DCDC2: variants seen among roughly 807,000 people sequenced by gnomAD.
DCDC2 encodes doublecortin domain-containing protein 2.
DCDC2 carries 40 observed loss-of-function variants against 50.2 expected under a neutral mutation model. The ratio of observed to expected loss-of-function variants is 0.80; its 90% confidence interval spans 0.62 to 1.04. The LOEUF is 1.04. Ranked by LOEUF, DCDC2 falls within the 50% of genes least tolerant of loss-of-function variation. The pLI is 0.00. For missense variants in DCDC2, 570 were observed against 581.9 expected (o/e 0.98, Z 0.21); for synonymous variants, 234 against 210.6 (o/e 1.11, Z -0.96).
chr6:24,267,228 G>C (rs1763140770), intron 7 of DCDC2, among the ~76,000 whole-genome samples: 1 of 152,088 alleles, frequency 6.6e-6, no homozygotes, highest in Non-Finnish European at 1.5e-5. Flanking sequence ...ATGAATAAGA[G>C]CTTTTGTTTG....
intron 2 of DCDC2, among the ~76,000 whole-genome samples, chr6:24,327,906 A>G (rs1379596340): frequency 6.6e-6 from 1 of 152,196 alleles, no homozygotes; most frequent in Non-Finnish European, 1.5e-5. Flanking sequence ...TCTCTGCTTA[A>G]TATATGTTTA....
intron 8 of DCDC2, among the ~76,000 whole-genome samples, chr6:24,194,571 G>A (rs1393664592): frequency 6.6e-6 from 1 of 152,176 alleles, no homozygotes; most frequent in Admixed American, 6.5e-5. Flanking sequence ...GTGTTTCTGA[G>A]ATGGTGAATT....
At chr6:24,241,078 C>T (rs141684164) in intron 7 of DCDC2, among the ~76,000 whole-genome samples, 160 of 152,274 alleles carry the variant, frequency 1.1e-3, no homozygotes, top group African/African-American at 3.5e-3. Flanking sequence ...AGAATACAGG[C>T]GGAAGTTTTA....
chr6:24,284,835 C>G (rs964376524), intron 6 of DCDC2, among the ~76,000 whole-genome samples: 1 of 152,080 alleles, frequency 6.6e-6, no homozygotes, highest in Non-Finnish European at 1.5e-5. Flanking sequence ...GCCTTGGATG[C>G]TCTTCTTCCC....
In DCDC2 at chr6:24,285,830, A is replaced by G. The variant is rs1310406402; in HGVS notation, c.759+3022T>C. 7.2e-5 allele frequency among the ~76,000 whole-genome samples: 11 copies of G among 152,342 alleles called. No homozygotes were observed. In the East Asian group the frequency reaches 1.7e-3, roughly 24 times the overall value. ...GTTGGGTCATGACTTTGGTCCTGAC[A>G]TCGACTTTCCCTGTGACTTGGGATC... On this transcript the variant is annotated intron_variant, in intron 6 of 9. Coordinates refer to ENST00000378454, the MANE Select transcript of DCDC2 (RefSeq NM_016356.5).
chr6:24,365,286 G>C, the DCDC2 span, among the ~76,000 whole-genome samples: 1 of 152,054 alleles, frequency 6.6e-6, no homozygotes, highest in African/African-American at 2.4e-5. Flanking sequence ...CCTCACCTAG[G>C]TTTAGAGCTT....
intron 7 of DCDC2, among the ~76,000 whole-genome samples, chr6:24,211,695 G>A (rs907049330): frequency 4.6e-5 from 7 of 152,274 alleles, no homozygotes; most frequent in Admixed American, 3.9e-4. Flanking sequence ...AAGGAATGCA[G>A]GCAGCCTGTA....
At chr6:24,283,414 T>A (rs1420895270) in intron 6 of DCDC2, among the ~76,000 whole-genome samples, 6 of 152,238 alleles carry the variant, frequency 3.9e-5, no homozygotes, top group Admixed American at 3.9e-4. Context: ...GGTCCCTGTG[T>A]ACACTATGGC....
intron 8 of DCDC2, among the ~76,000 whole-genome samples, chr6:24,190,322 A>T (rs945327983): frequency 6.6e-6 from 1 of 152,074 alleles, no homozygotes; most frequent in African/African-American, 2.4e-5. Flanking sequence ...AAAAATTCTC[A>T]TTGTTCAATT....
chr6:24,369,003 G>A, the DCDC2 span, among the ~76,000 whole-genome samples: 13 of 151,970 alleles, frequency 8.6e-5, no homozygotes, highest in South Asian at 2.1e-4. Flanking sequence ...GTGCAGTGGC[G>A]CGTGCCTGTA....
chr6:24,213,035 T>G (rs9467078), intron 7 of DCDC2, among the ~76,000 whole-genome samples: 17,174 of 152,216 alleles, frequency 0.11, 1,056 homozygotes, highest in Middle Eastern at 0.16. Context: ...TATTTAACAT[T>G]CTCAAATTTT....
At chr6:24,274,531 TTTGTTTCC>T (rs1763305937) in intron 7 of DCDC2, among the ~76,000 whole-genome samples, 1 of 144,784 alleles carries the variant, frequency 6.9e-6, no homozygotes, top group Non-Finnish European at 1.5e-5. Flanking sequence ...GAAAATGAGA[TTTGTTTCC>T]CTGAAGAAAT....
At chr6:24,278,709 T>C (rs950904919) in intron 6 of DCDC2, among the ~76,000 whole-genome samples, 16 of 152,188 alleles carry the variant, frequency 1.1e-4, no homozygotes, top group Non-Finnish European at 2.4e-4. Flanking sequence ...CCAGTGTCTA[T>C]TGGATGAGAA....
intron 7 of DCDC2, among the ~76,000 whole-genome samples, chr6:24,240,259 T>C (rs1344557992): frequency 6.6e-6 from 1 of 152,190 alleles, no homozygotes; most frequent in Non-Finnish European, 1.5e-5. Flanking sequence ...AAAAATTAAT[T>C]ATCATCCTTG....
intron 2 of DCDC2, among the ~76,000 whole-genome samples, chr6:24,339,267 T>C (rs1230609189): frequency 6.6e-6 from 1 of 152,120 alleles, no homozygotes; most frequent in Non-Finnish European, 1.5e-5. Flanking sequence ...CCCTGGCTTA[T>C]GGTAGCCATC....
chr6:24,381,870 GAAA>G, the DCDC2 span, among the ~76,000 whole-genome samples: 1 of 110,852 alleles, frequency 9.0e-6, no homozygotes, highest in African/African-American at 3.3e-5. Flanking sequence ...AGAAATAAAA[GAAA>G]GAAAGAGATA....
intron 7 of DCDC2, among the ~76,000 whole-genome samples, chr6:24,274,634 A>G (rs1763312338): frequency 6.7e-6 from 1 of 150,024 alleles, no homozygotes; most frequent in African/African-American, 2.4e-5. Context: ...AAAAAAGAAG[A>G]AAAGAAAAGA....
intron 7 of DCDC2, among the ~76,000 whole-genome samples, chr6:24,209,891 T>G (rs527241160): frequency 2.0e-5 from 3 of 152,290 alleles, no homozygotes; most frequent in Admixed American, 6.5e-5. Flanking sequence ...CCCCAGCTCT[T>G]TCTAATCTAT....
intron 2 of DCDC2, among the ~76,000 whole-genome samples, chr6:24,350,459 T>C (rs1760348055): frequency 6.6e-6 from 1 of 152,172 alleles, no homozygotes; most frequent in African/African-American, 2.4e-5. Context: ...GTACTCGGAA[T>C]AATTAGAATT....
Sources: gnomAD v4.1 joint callset for allele counts (sites outside exome capture counted in the v4.1 genomes callset) on GRCh38, gnomAD v4.1.1 for gene constraint, MANE v1.5 for transcripts, NCBI Gene and HGNC (gene_info 2026-07-23, HGNC 2026-07-21) for gene names.